Variants in PCBP3 observed in about 807,000 individuals in gnomAD.
PCBP3 encodes poly(rC)-binding protein 3.
A neutral mutation model predicts 52.7 loss-of-function variants in PCBP3; 25 were observed. The observed-to-expected ratio is 0.47, with a 90% CI of 0.35 to 0.66. The LOEUF (loss-of-function observed/expected upper bound fraction) is 0.66, where lower values mean the gene tolerates loss of function less well. Among genes scored for constraint, PCBP3 ranks in the 30% least tolerant of loss-of-function variants. The pLI, the probability that PCBP3 is intolerant of heterozygous loss-of-function variation, is 0.01. For synonymous variants in PCBP3, 162 were observed against 183.0 expected (o/e 0.89, Z 0.93); for missense variants, 391 against 490.3 (o/e 0.80, Z 1.91).
chr21:45,935,409 T>C (rs1486395860), intron 16 of PCBP3, 104 bp downstream of exon 16: 1 of 793,042 alleles, frequency 1.3e-6, no homozygotes, highest in Non-Finnish European at 2.2e-6. Flanking sequence ...TGCTTGGTAA[T>C]GCCTTCACCA....
chr21:45,850,119 A>ATGTT (rs1569310517), intron 5 of PCBP3, 24 bp downstream of exon 5: 4 of 1,546,262 alleles, frequency 2.6e-6, no homozygotes, highest in Non-Finnish European at 2.6e-6. Flanking sequence ...TTTTGTTTCC[A>ATGTT]TGTTTGTTTG....
intron 4 of PCBP3, among the ~76,000 whole-genome samples, chr21:45,810,931 T>A (rs1255470717): frequency 1.3e-5 from 2 of 152,232 alleles, no homozygotes; most frequent in Non-Finnish European, 2.9e-5. Flanking sequence ...AACTGATACA[T>A]ATGTTGGTGT....
At chr21:45,835,237 A>G (rs566940669) in intron 4 of PCBP3, among the ~76,000 whole-genome samples, 8 of 152,148 alleles carry the variant, frequency 5.3e-5, no homozygotes, top group Admixed American at 1.3e-4. Flanking sequence ...GGCTCCCAGG[A>G]GTGTGGGTGG....
intron 1 of PCBP3, among the ~76,000 whole-genome samples, chr21:45,662,304 A>G (rs1024516033): frequency 3.3e-5 from 2 of 60,906 alleles, no homozygotes; most frequent in Admixed American, 2.0e-4. Flanking sequence ...TTTTTTTTGT[A>G]GAGATGGGGT....
chr21:45,676,288 T>G (rs1022808948), intron 2 of PCBP3, among the ~76,000 whole-genome samples: 3 of 152,196 alleles, frequency 2.0e-5, no homozygotes, highest in African/African-American at 7.2e-5. Context: ...AAGTTAGAAT[T>G]GTGGAAAACT....
intron 2 of PCBP3, among the ~76,000 whole-genome samples, chr21:45,707,813 G>A (rs1248945183): frequency 6.6e-6 from 1 of 152,192 alleles, no homozygotes; most frequent in Non-Finnish European, 1.5e-5. Flanking sequence ...AGAGAGTGGG[G>A]CCATCACTGG....
chr21:45,833,530 G>A (rs761706358), intron 4 of PCBP3, among the ~76,000 whole-genome samples: 8 of 152,330 alleles, frequency 5.3e-5, no homozygotes, highest in East Asian at 3.9e-4. Flanking sequence ...GCCAACTGCC[G>A]AGGTGCTGCC....
intron 1 of PCBP3, among the ~76,000 whole-genome samples, chr21:45,645,163 ATC>A (rs137868876): frequency 6.6e-6 from 1 of 152,280 alleles, no homozygotes; most frequent in East Asian, 1.9e-4. Flanking sequence ...AGGCTTGGAG[ATC>A]TGTCAGAAAA....
intron 13 of PCBP3, among the ~76,000 whole-genome samples, chr21:45,927,429 C>T (rs2075621192): frequency 7.9e-6 from 1 of 127,126 alleles, no homozygotes; most frequent in Non-Finnish European, 1.6e-5. Flanking sequence ...CCAAAAGCCT[C>T]ATTTTTTCAA....
chr21:45,771,362 A>ATTC (rs1194836482), intron 4 of PCBP3, among the ~76,000 whole-genome samples: 2 of 152,214 alleles, frequency 1.3e-5, no homozygotes, highest in Non-Finnish European at 2.9e-5. Context: ...GTAAAGACTT[A>ATTC]GAGATTTCGG....
At chr21:45,686,291 TC>T (rs1486257778) in intron 2 of PCBP3, among the ~76,000 whole-genome samples, 1 of 152,082 alleles carries the variant, frequency 6.6e-6, no homozygotes, top group Non-Finnish European at 1.5e-5. Context: ...GAATGGAGCA[TC>T]CCTCCTGAAC....
chr21:45,814,750 T>G, intron 4 of PCBP3, among the ~76,000 whole-genome samples: 1 of 109,464 alleles, frequency 9.1e-6, no homozygotes, highest in Non-Finnish European at 1.9e-5. Context: ...TGGTGAGTGA[T>G]GAGTGAGTGG....
intron 2 of PCBP3, among the ~76,000 whole-genome samples, chr21:45,678,526 G>A (rs2147465484): frequency 6.6e-6 from 1 of 152,130 alleles, no homozygotes; most frequent in Non-Finnish European, 1.5e-5. Flanking sequence ...CCTCATGGAT[G>A]CCTTTAAGGG....
chr21:45,871,359 G>A (rs886317458), intron 5 of PCBP3: 5 of 161,204 alleles, frequency 3.1e-5, no homozygotes, highest in African/African-American at 1.2e-4. Flanking sequence ...GTGCCCTGGA[G>A]AGCTGGTGCC....
At chr21:45,720,193 A>G (rs555511553) in intron 2 of PCBP3, among the ~76,000 whole-genome samples, 11 of 152,238 alleles carry the variant, frequency 7.2e-5, no homozygotes, top group African/African-American at 2.6e-4. Flanking sequence ...TACATCAGGT[A>G]TTTCTCCTAA....
intron 4 of PCBP3, among the ~76,000 whole-genome samples, chr21:45,814,966 GGTGAGTGATGA>G (rs1569259668): frequency 2.0e-4 from 26 of 129,630 alleles, no homozygotes; most frequent in Admixed American, 1.9e-3. Context: ...AGTGGTGAGT[GGTGAGTGATGA>G]GTGAGTGGTG....
intron 4 of PCBP3, among the ~76,000 whole-genome samples, chr21:45,764,242 C>T (rs577849940): frequency 2.6e-5 from 4 of 152,092 alleles, no homozygotes; most frequent in East Asian, 3.9e-4. Flanking sequence ...CCTGCCTCAG[C>T]CTTCCGAGTA....
At chr21:45,849,536 C>T (rs1218962965) in intron 4 of PCBP3, among the ~76,000 whole-genome samples, 1 of 152,128 alleles carries the variant, frequency 6.6e-6, no homozygotes, top group Non-Finnish European at 1.5e-5. Context: ...CAAGTCTCTC[C>T]TCTAAGACCA....
chr21:45,792,391 C>T (rs575147397), intron 4 of PCBP3, among the ~76,000 whole-genome samples: 2 of 152,310 alleles, frequency 1.3e-5, no homozygotes, highest in East Asian at 3.9e-4. Context: ...GGTGGGGGCC[C>T]TCCCAGGAAG....
Sources: gnomAD v4.1 joint callset for allele counts (sites outside exome capture counted in the v4.1 genomes callset) on GRCh38, gnomAD v4.1.1 for gene constraint, MANE v1.5 for transcripts, NCBI Gene and HGNC (gene_info 2026-07-23, HGNC 2026-07-21) for gene names.